Variants in GALNTL5 observed in about 807,000 individuals in gnomAD.
The protein encoded by GALNTL5 is polypeptide N-acetylgalactosaminyltransferase like 5, also known as inactive polypeptide N-acetylgalactosaminyltransferase-like protein 5.
Under a neutral mutation model 51.0 loss-of-function variants are expected in GALNTL5, and 44 were observed. The ratio of observed to expected loss-of-function variants is 0.86; its 90% CI spans 0.68 to 1.11. The LOEUF (loss-of-function observed/expected upper bound fraction) is 1.11. Ranked by LOEUF, GALNTL5 falls within the 50% of genes least tolerant of loss-of-function variation. The pLI is 0.00. For synonymous variants in GALNTL5, 192 were observed against 182.8 expected (o/e 1.05, Z -0.41); for missense variants, 528 against 531.8 (o/e 0.99, Z 0.07).
chr7:151,992,901 C>T (rs2081445113), intron 5 of GALNTL5, among the ~76,000 whole-genome samples: 2 of 152,080 alleles, frequency 1.3e-5, no homozygotes, highest in South Asian at 2.1e-4. Context: ...ACGTGCTCTC[C>T]GCCCCTTCTC....
intron 5 of GALNTL5, among the ~76,000 whole-genome samples, chr7:151,993,164 G>A (rs939633154): frequency 1.3e-5 from 2 of 151,688 alleles, no homozygotes; most frequent in African/African-American, 2.4e-5. Flanking sequence ...AACCCAGGAG[G>A]TGGAGGCTGC....
chr7:151,965,746 G>A (rs1461609542), intron 1 of GALNTL5, among the ~76,000 whole-genome samples: 3 of 151,980 alleles, frequency 2.0e-5, no homozygotes, highest in South Asian at 2.1e-4. Context: ...AATTAGCCAC[G>A]CGTGGTGGCA....
At chr7:151,992,366 T>A (rs2081438181) in intron 5 of GALNTL5, among the ~76,000 whole-genome samples, 1 of 152,156 alleles carries the variant, frequency 6.6e-6, no homozygotes, top group Non-Finnish European at 1.5e-5. Flanking sequence ...CAACAGAAAT[T>A]CATTTTTTCC....
chr7:152,015,688 C>T (rs2151962752), intron 8 of GALNTL5, among the ~76,000 whole-genome samples: 1 of 152,154 alleles, frequency 6.6e-6, no homozygotes, highest in Admixed American at 6.6e-5. Flanking sequence ...TCTTTTTCTT[C>T]CCCGCTGATT....
At chr7:151,997,339 C>T (rs1444487322) in intron 5 of GALNTL5, among the ~76,000 whole-genome samples, 1 of 152,098 alleles carries the variant, frequency 6.6e-6, no homozygotes, top group Non-Finnish European at 1.5e-5. Flanking sequence ...CGGTCCTTCC[C>T]GAAACTCTCG....
At chr7:152,001,824 A>G (rs1008358197) in intron 5 of GALNTL5, among the ~76,000 whole-genome samples, 1 of 152,176 alleles carries the variant, frequency 6.6e-6, no homozygotes, top group African/African-American at 2.4e-5. Flanking sequence ...TTATTGCCAT[A>G]TTAAGTCTTC....
intron 5 of GALNTL5, 94 bp from the exon 6 acceptor site, chr7:152,002,620 T>G: frequency 7.4e-7 from 1 of 1,355,262 alleles, no homozygotes; most frequent in Non-Finnish European, 1.0e-6. Context: ...ACATAGTAAA[T>G]GCTCAAGAAA....
chr7:151,962,165 G>A (rs190214234), intron 1 of GALNTL5, among the ~76,000 whole-genome samples: 9 of 151,876 alleles, frequency 5.9e-5, no homozygotes, highest in East Asian at 3.9e-4. Context: ...ACCACACACA[G>A]CTAATTTTTG....
At chr7:151,974,404 G>A (rs1215932690) in intron 3 of GALNTL5, among the ~76,000 whole-genome samples, 1 of 152,050 alleles carries the variant, frequency 6.6e-6, no homozygotes, top group Non-Finnish European at 1.5e-5. Flanking sequence ...ATGGTTTCCA[G>A]ACAAAAAGGG....
chr7:152,014,611 C>T (rs771577473), intron 7 of GALNTL5, 33 bp from the exon 8 acceptor site: 17 of 1,572,712 alleles, frequency 1.1e-5, no homozygotes, highest in East Asian at 2.3e-5. Context: ...AGTAATAATG[C>T]ATTCGTATGT....
At chr7:151,968,450 A>G (rs1009129705) in intron 2 of GALNTL5, among the ~76,000 whole-genome samples, 31 of 152,236 alleles carry the variant, frequency 2.0e-4, no homozygotes, top group African/African-American at 7.0e-4. Context: ...CCCTCCCACT[A>G]GATGACTAGG....
chr7:152,014,460 G>T (rs1055545228), intron 7 of GALNTL5, among the ~76,000 whole-genome samples, 184 bp from the exon 8 acceptor site: 3 of 152,102 alleles, frequency 2.0e-5, no homozygotes, highest in African/African-American at 7.2e-5. Flanking sequence ...TAGAGAGAGG[G>T]TTTCACCACG....
intron 1 of GALNTL5, among the ~76,000 whole-genome samples, chr7:151,958,712 G>A (rs753376973): frequency 2.0e-5 from 3 of 152,212 alleles, no homozygotes; most frequent in African/African-American, 4.8e-5. Context: ...AGGTGGGAAG[G>A]TTACAGTGTT....
At chr7:151,980,902 C>CAA (rs1563009397) in intron 3 of GALNTL5, among the ~76,000 whole-genome samples, 1 of 150,442 alleles carries the variant, frequency 6.6e-6, no homozygotes, top group Admixed American at 6.6e-5. Flanking sequence ...CCCGCCACTG[C>CAA]GCCCGGCTAA....
intron 5 of GALNTL5, among the ~76,000 whole-genome samples, chr7:152,000,545 CAA>C (rs1318224460): frequency 6.6e-6 from 1 of 152,148 alleles, no homozygotes; most frequent in Non-Finnish European, 1.5e-5. Context: ...CAGCACTGGA[CAA>C]GTGTTTCAAT....
At chr7:151,958,173 C>A (rs546258650) in intron 1 of GALNTL5, among the ~76,000 whole-genome samples, 1 of 152,214 alleles carries the variant, frequency 6.6e-6, no homozygotes, top group African/African-American at 2.4e-5. Flanking sequence ...TGGCAGCACC[C>A]GTCCTTGGGC....
rs1358335167 is a variant in GALNTL5 at position 151,983,149 on chromosome 7, G to T, written c.532G>T (p.Val178Phe). The T allele has an allele frequency of 6.2e-7, 1 of 1,612,302 alleles. No individual in the cohort carries two copies. The highest frequency in any genetic ancestry group is 1.3e-5 in the African/African-American group (1 of 74,872). ...EIILVDDMSK[V>F]DDLKEKLDYH... ...TATTTTGGTAGATGACATGAGCAAAGTTGGTAAGATAGAACACTCATTATC... is the reference window on the plus strand; with the variant it reads ...TATTTTGGTAGATGACATGAGCAAATTTGGTAAGATAGAACACTCATTATC... Residue 178 changes from valine to phenylalanine, a missense_variant, in exon 4 of 9, where the codon GTT (valine) becomes TTT (phenylalanine). Val to Phe is a conservative substitution (Grantham distance 50, BLOSUM62 -1). Coordinates refer to ENST00000392800, the MANE Select transcript of GALNTL5 (RefSeq NM_145292.4).
chr7:151,994,410 C>T (rs1293887013), intron 5 of GALNTL5, among the ~76,000 whole-genome samples: 1 of 152,140 alleles, frequency 6.6e-6, no homozygotes, highest in African/African-American at 2.4e-5. Flanking sequence ...GGAGCCAGGT[C>T]ATCTTCCTGG....
chr7:151,991,099 TTTG>T (rs2081424025), intron 5 of GALNTL5, among the ~76,000 whole-genome samples: 1 of 134,158 alleles, frequency 7.5e-6, no homozygotes, highest in Non-Finnish European at 1.5e-5. Context: ...GTTGTTGTTG[TTTG>T]TTGTTGTTGA....
Sources: allele counts gnomAD v4.1 joint callset (sites outside exome capture counted in the v4.1 genomes callset), GRCh38; gene constraint gnomAD v4.1.1; transcripts MANE v1.5; gene names NCBI Gene and HGNC (gene_info 2026-07-23, HGNC 2026-07-21).